ADGRL3: variants seen among roughly 807,000 people sequenced by gnomAD.
ADGRL3 encodes the protein adhesion G protein-coupled receptor L3.
A neutral mutation model predicts 153.5 loss-of-function variants in ADGRL3; 62 were observed. The ratio of observed to expected loss-of-function variants is 0.40; its 90% CI spans 0.33 to 0.50. ADGRL3 has a LOEUF of 0.50. Among genes scored for constraint, ADGRL3 ranks in the 20% least tolerant of loss-of-function variants. The pLI, the probability that ADGRL3 is intolerant of heterozygous loss-of-function variation, is 0.47. For missense variants in ADGRL3, 1,641 were observed against 1,859.4 expected (o/e 0.88, Z 2.16); for synonymous variants, 710 against 672.5 (o/e 1.06, Z -0.86).
chr4:61,485,199 G>A (rs1156789474), intron 2 of ADGRL3, among the ~76,000 whole-genome samples: 1 of 152,134 alleles, frequency 6.6e-6, no homozygotes, highest in African/African-American at 2.4e-5. Flanking sequence ...TTCAAAACAT[G>A]TGTATTTTCT....
At chr4:61,648,471 T>C (rs967431288) in intron 5 of ADGRL3, among the ~76,000 whole-genome samples, 4 of 151,572 alleles carry the variant, frequency 2.6e-5, no homozygotes, top group Non-Finnish European at 5.9e-5. Flanking sequence ...CCAGGATTTA[T>C]CTCTTTTGTC....
At chr4:61,938,955 G>A (rs894573870) in intron 15 of ADGRL3, among the ~76,000 whole-genome samples, 4 of 149,936 alleles carry the variant, frequency 2.7e-5, no homozygotes, top group Admixed American at 6.7e-5. Flanking sequence ...AAGGTTCAGC[G>A]ATAGGGACTA....
chr4:61,871,250 C>A (rs796838927), intron 9 of ADGRL3, among the ~76,000 whole-genome samples: 2 of 151,418 alleles, frequency 1.3e-5, no homozygotes, highest in South Asian at 4.2e-4. Context: ...TGCACTCCAG[C>A]CTGGGTGACA....
At chr4:61,382,601 C>A (rs2096683951) in intron 1 of ADGRL3, among the ~76,000 whole-genome samples, 1 of 151,168 alleles carries the variant, frequency 6.6e-6, no homozygotes, top group Admixed American at 6.6e-5. Context: ...TTTTTTAAAT[C>A]CAAATTTATT....
intron 2 of ADGRL3, among the ~76,000 whole-genome samples, chr4:61,491,227 A>G (rs914559868): frequency 2.6e-5 from 4 of 152,126 alleles, no homozygotes; most frequent in African/African-American, 7.2e-5. Context: ...GTCACTTCGT[A>G]GGGCATGGAT....
intron 2 of ADGRL3, among the ~76,000 whole-genome samples, chr4:61,384,731 G>A (rs2096715824): frequency 6.6e-6 from 1 of 151,808 alleles, no homozygotes; most frequent in Admixed American, 6.6e-5. Flanking sequence ...TCCAGTAGAA[G>A]CTAATAAACT....
At chr4:61,379,491 C>G (rs1578538281) in intron 1 of ADGRL3, among the ~76,000 whole-genome samples, 2 of 151,974 alleles carry the variant, frequency 1.3e-5, no homozygotes, top group South Asian at 4.1e-4. Flanking sequence ...TTCTCTAACT[C>G]GTTGTATTGT....
intron 4 of ADGRL3, among the ~76,000 whole-genome samples, chr4:61,530,777 G>A (rs1391896166): frequency 6.6e-6 from 1 of 152,162 alleles, no homozygotes; most frequent in East Asian, 1.9e-4. Context: ...ATATGGAGAA[G>A]CAAGAATATT....
chr4:62,044,653 G>A (rs1198638258), intron 25 of ADGRL3, 104 bp downstream of exon 25: 1 of 683,192 alleles, frequency 1.5e-6, no homozygotes, highest in Middle Eastern at 3.7e-4. Context: ...CCACATGATA[G>A]AAACATTGTA....
At chr4:61,638,785 C>A (rs2093541304) in intron 5 of ADGRL3, among the ~76,000 whole-genome samples, 1 of 152,106 alleles carries the variant, frequency 6.6e-6, no homozygotes, top group Admixed American at 6.6e-5. Flanking sequence ...TATGTTTATC[C>A]AGAATTGGTG....
chr4:61,769,127 G>A (rs577741207), intron 8 of ADGRL3, among the ~76,000 whole-genome samples: 1 of 152,082 alleles, frequency 6.6e-6, no homozygotes, highest in Non-Finnish European at 1.5e-5. Flanking sequence ...TCCCTGCGTG[G>A]TCTGACACCC....
At chr4:61,964,904 G>A (rs2099000509) in intron 17 of ADGRL3, among the ~76,000 whole-genome samples, 1 of 151,990 alleles carries the variant, frequency 6.6e-6, no homozygotes, top group Admixed American at 6.6e-5. Flanking sequence ...TTCTTGGTAA[G>A]AACTAGTTGA....
chr4:61,775,780 G>A, intron 8 of ADGRL3: 1 of 789,496 alleles, frequency 1.3e-6, no homozygotes. Flanking sequence ...GATGAGGGCA[G>A]TCTTCAGCAC....
chr4:61,602,016 A>G (rs1463211542), intron 5 of ADGRL3, among the ~76,000 whole-genome samples: 2 of 151,688 alleles, frequency 1.3e-5, no homozygotes, highest in African/African-American at 4.8e-5. Flanking sequence ...TTTAACTGGG[A>G]TAAAATCTAA....
chr4:61,473,812 G>T (rs2098004129), intron 2 of ADGRL3, among the ~76,000 whole-genome samples: 1 of 152,092 alleles, frequency 6.6e-6, no homozygotes, highest in African/African-American at 2.4e-5. Flanking sequence ...GCACAATTTA[G>T]ATAAGCAGAC....
intron 2 of ADGRL3, among the ~76,000 whole-genome samples, chr4:61,479,077 C>T (rs982680143): frequency 1.3e-5 from 2 of 151,662 alleles, no homozygotes; most frequent in African/African-American, 2.4e-5. Flanking sequence ...CCTTTTTTTC[C>T]CCTTCTTTTA....
intron 11 of ADGRL3, among the ~76,000 whole-genome samples, chr4:61,903,650 C>CAAAAAAAAAAAAAAAAAAAAAA (rs55879235): frequency 2.8e-5 from 2 of 72,342 alleles, no homozygotes; most frequent in South Asian, 6.8e-4. Context: ...TGGGAAACAG[C>CAAAAAAAAAAAAAAAAAAAAAA]AAAAAAAAAA....
At chr4:61,861,395 G>C (rs1031758585) in intron 9 of ADGRL3, among the ~76,000 whole-genome samples, 4 of 152,102 alleles carry the variant, frequency 2.6e-5, no homozygotes, top group African/African-American at 9.7e-5. Context: ...GGTTCTGAAA[G>C]ACTGGGTTGG....
chr4:61,628,950 C>G lies in ADGRL3; in HGVS notation c.473+41510C>G, dbSNP rs2092993193. On this transcript the variant is annotated intron_variant, in intron 5 of 26. Coordinates refer to ENST00000683033, the MANE Select transcript of ADGRL3 (RefSeq NM_001387552.1). ...TCTGTTTACATAGCACCTATTTCTACAAAGCAAATACAGCTTCACTTGCAT... is the reference window on the plus strand; with the variant it reads ...TCTGTTTACATAGCACCTATTTCTAGAAAGCAAATACAGCTTCACTTGCAT... Among the ~76,000 whole-genome samples, 3 of 152,168 alleles carry G rather than the reference C, an allele frequency of 2.0e-5. No individual in the cohort carries two copies. The South Asian group carries it at 6.2e-4, about 31-fold the overall frequency.
Sources: allele counts gnomAD v4.1 joint callset (sites outside exome capture counted in the v4.1 genomes callset), GRCh38; gene constraint gnomAD v4.1.1; transcripts MANE v1.5; gene names NCBI Gene and HGNC (gene_info 2026-07-23, HGNC 2026-07-21).